The following LINGO2 variants were observed in gnomAD, a reference collection of about 807,000 sequenced individuals.
LINGO2 encodes leucine-rich repeat and immunoglobulin-like domain-containing nogo receptor-interacting protein 2.
Under a neutral mutation model 30.6 loss-of-function variants are expected in LINGO2, and 14 were observed. The observed-to-expected ratio is 0.46, with a 90% CI of 0.30 to 0.72. The LOEUF is 0.72. LINGO2 is among the 30% of genes least tolerant of loss of function. The probability of loss-of-function intolerance (pLI) is 0.07; values close to 1 mark genes in which losing one functional copy is unlikely to be tolerated. For missense variants in LINGO2, 729 were observed against 751.7 expected, an observed-to-expected ratio of 0.97 and a Z score of 0.35; for synonymous variants, 317 against 288.5, an observed-to-expected ratio of 1.10 and a Z score of -1.00.
chr9:28,463,433 TG>T (rs1825165127), intron 2 of LINGO2, among the ~76,000 whole-genome samples: 1 of 151,992 alleles, frequency 6.6e-6, no homozygotes, highest in Non-Finnish European at 1.5e-5. Context: ...ATGAGAAAAG[TG>T]TTCACCTGTC....
chr9:29,114,441 T>G, the LINGO2 span, among the ~76,000 whole-genome samples: 1 of 150,614 alleles, frequency 6.6e-6, no homozygotes, highest in East Asian at 2.0e-4. Flanking sequence ...TTAGGATACA[T>G]GTGCACAATG....
the LINGO2 span, among the ~76,000 whole-genome samples, chr9:28,763,997 A>G: frequency 2.0e-5 from 3 of 151,824 alleles, no homozygotes; most frequent in African/African-American, 4.8e-5. Flanking sequence ...GAATAGACCA[A>G]TAACAAATGA....
intron 4 of LINGO2, among the ~76,000 whole-genome samples, chr9:28,194,607 A>C (rs1461971431): frequency 6.6e-6 from 1 of 151,690 alleles, no homozygotes; most frequent in Non-Finnish European, 1.5e-5. Flanking sequence ...TAACAAGGAA[A>C]AGCTTTCAAA....
the LINGO2 span, among the ~76,000 whole-genome samples, chr9:28,781,765 AG>A: frequency 6.6e-6 from 1 of 152,190 alleles, no homozygotes; most frequent in East Asian, 1.9e-4. Context: ...CAATAAAAGG[AG>A]GAGGAAAAAA....
At chr9:28,395,119 C>T (rs1587607110) in intron 2 of LINGO2, among the ~76,000 whole-genome samples, 1 of 152,128 alleles carries the variant, frequency 6.6e-6, no homozygotes, top group East Asian at 1.9e-4. Context: ...TTAACAGGTA[C>T]TTGATAAGGG....
At chr9:28,844,810 A>G in the LINGO2 span, among the ~76,000 whole-genome samples, 6 of 151,958 alleles carry the variant, frequency 3.9e-5, no homozygotes, top group East Asian at 9.6e-4. Flanking sequence ...TCCAAGATAT[A>G]CAGTTTGTCA....
At chr9:29,025,541 AT>A in the LINGO2 span, among the ~76,000 whole-genome samples, 1 of 151,920 alleles carries the variant, frequency 6.6e-6, no homozygotes, top group Non-Finnish European at 1.5e-5. Context: ...TTTGAGATTC[AT>A]TTTTTTTCAT....
At chr9:28,562,354 C>T (rs1382885942) in intron 1 of LINGO2, among the ~76,000 whole-genome samples, 1 of 150,640 alleles carries the variant, frequency 6.6e-6, no homozygotes, top group Non-Finnish European at 1.5e-5. Context: ...TTTCACAACT[C>T]TCCCACATAA....
chr9:28,366,572 A>T (rs1222021560), intron 3 of LINGO2, among the ~76,000 whole-genome samples: 2 of 152,038 alleles, frequency 1.3e-5, no homozygotes, highest in Non-Finnish European at 2.9e-5. Context: ...ATGCTGGAGG[A>T]CTCACTGCTT....
rs142602973 is a variant in LINGO2 at position 28,490,895 on chromosome 9, G to T, written c.-364-14870C>A. The stretch of plus-strand genomic sequence containing the variant: ...GCTATGCATCTCACATATATCAAAG[G>T]GTGTATGTAAAAGATGTTTATTGTA... On this transcript the variant is annotated intron_variant, in intron 1 of 5. Transcript: ENST00000379992. Among the ~76,000 whole-genome samples, 130 of 151,972 alleles carry T rather than the reference G, an allele frequency of 8.6e-4. 1 individual carries two copies. In the East Asian group the frequency reaches 0.023, roughly 27 times the overall value.
chr9:28,234,361 GGAAGGAAGGGTGTGAAAAAC>G lies in LINGO2; in HGVS notation c.-87+60827_-87+60846del, dbSNP rs544145456. Reference sequence around the variant, plus strand: ...AGAAGCTTCTTTGACTATGTAAAGGGGAAGGAAGGGTGTGAAAAACTCAGTATGGGTAATATTGAGTGTCA... The same window carrying G: ...AGAAGCTTCTTTGACTATGTAAAGGGTCAGTATGGGTAATATTGAGTGTCA... On this transcript the variant is annotated intron_variant, in intron 4 of 5. Coordinates refer to ENST00000379992, the Ensembl canonical transcript of LINGO2. 1.1e-4 allele frequency among the ~76,000 whole-genome samples: 17 copies of G among 152,292 alleles called. No homozygotes were observed. In the South Asian group the frequency reaches 3.5e-3, roughly 32 times the overall value.
the LINGO2 span, among the ~76,000 whole-genome samples, chr9:29,035,344 C>T: frequency 5.9e-3 from 895 of 152,038 alleles, 7 homozygotes; most frequent in African/African-American, 0.021. Context: ...TCTTGACATA[C>T]CACTATCTTT....
At chr9:28,399,148 AC>A in intron 2 of LINGO2, among the ~76,000 whole-genome samples, 1 of 152,154 alleles carries the variant, frequency 6.6e-6, no homozygotes, top group Non-Finnish European at 1.5e-5. Context: ...CCAATACTAA[AC>A]CCCCAACAAG....
At chr9:28,029,227 G>A (rs949566232) in intron 4 of LINGO2, among the ~76,000 whole-genome samples, 5 of 152,136 alleles carry the variant, frequency 3.3e-5, no homozygotes, top group Non-Finnish European at 7.4e-5. Flanking sequence ...AAACTTTAGT[G>A]CATATTACTA....
In LINGO2 at chr9:28,389,494, T is replaced by G. The variant is rs561237689; in HGVS notation, c.-278-16626A>C. ...ACCTTCAACAATGGTTTAAGAATTA[T>G]GTCTTCCATAAATGTTGACAACCAT... On this transcript the variant is annotated intron_variant, in intron 2 of 5. Coordinates refer to ENST00000379992, the Ensembl canonical transcript of LINGO2. 2.0e-5 allele frequency among the ~76,000 whole-genome samples: 3 copies of G among 152,338 alleles called. No homozygotes were observed. The South Asian group carries it at 6.2e-4, about 32-fold the overall frequency.
At chr9:28,348,117 G>A (rs895789892) in intron 3 of LINGO2, among the ~76,000 whole-genome samples, 1 of 152,112 alleles carries the variant, frequency 6.6e-6, no homozygotes, top group Non-Finnish European at 1.5e-5. Flanking sequence ...ATATTTTCAT[G>A]ACAAAAATGC....
chr9:28,570,120 CA>C (rs1463131094), intron 1 of LINGO2, among the ~76,000 whole-genome samples: 3 of 151,532 alleles, frequency 2.0e-5, no homozygotes, highest in Admixed American at 2.0e-4. Flanking sequence ...CATATGTGGC[CA>C]AAAAATTCTA....
the LINGO2 span, among the ~76,000 whole-genome samples, chr9:28,820,343 A>C: frequency 2.0e-5 from 3 of 152,174 alleles, no homozygotes; most frequent in African/African-American, 7.2e-5. Context: ...AATTTTCAAC[A>C]GAAAAAAGAT....
intron 5 of LINGO2, among the ~76,000 whole-genome samples, chr9:28,000,813 A>G (rs997301984): frequency 2.0e-4 from 31 of 152,224 alleles, no homozygotes; most frequent in Non-Finnish European, 4.1e-4. Context: ...CTCTAGCCTG[A>G]TAGAAACTTT....
Sources: gnomAD v4.1 joint callset for allele counts (sites outside exome capture counted in the v4.1 genomes callset) on GRCh38, gnomAD v4.1.1 for gene constraint, MANE v1.5 for transcripts, NCBI Gene and HGNC (gene_info 2026-07-23, HGNC 2026-07-21) for gene names.